The following GALNT6 variants were observed in gnomAD, a reference collection of about 807,000 sequenced individuals.
The protein encoded by GALNT6 is GalNAc transferase 6.
In GALNT6, 51 loss-of-function variants were observed where a neutral mutation model predicts 65.9. That is an observed-to-expected ratio of 0.77 (90% CI 0.62 to 0.98). The LOEUF is 0.98. GALNT6 is among the 50% of genes least tolerant of loss of function. The pLI, the probability that GALNT6 is intolerant of heterozygous loss-of-function variation, is 0.00. For missense variants in GALNT6, 708 were observed against 803.3 expected (o/e 0.88, Z 1.43); for synonymous variants, 323 against 315.1 (o/e 1.02, Z -0.26).
chr12:51,375,132 T>C (rs552426221), intron 4 of GALNT6, among the ~76,000 whole-genome samples: 111 of 152,258 alleles, frequency 7.3e-4, no homozygotes, highest in African/African-American at 2.6e-3. Context: ...CGCCTCGGCC[T>C]CCCTAAGTGC....
At position 51,361,630 on chromosome 12, in the gene GALNT6, A is replaced by G. The variant is rs115290559; in HGVS notation, c.1050-792T>C. 2.8e-3 allele frequency among the ~76,000 whole-genome samples: 431 copies of G among 152,348 alleles called. 2 individuals carry two copies. The highest frequency in any genetic ancestry group is 9.8e-3 in the African/African-American group (407 of 41,588). ...CAAGATAAGATAAATTGACAAAAAC[A>G]TCTAATTCCTAGAATTTAGATACCA... On this transcript the variant is annotated intron_variant, in intron 6 of 11. Transcript: ENST00000356317.
chr12:51,356,564 A>T (rs994543479), intron 10 of GALNT6, among the ~76,000 whole-genome samples: 1 of 151,308 alleles, frequency 6.6e-6, no homozygotes, highest in Non-Finnish European at 1.5e-5. Flanking sequence ...GTGTCTTGCT[A>T]TGTTGCCCAG....
chr12:51,378,838 G>A (rs2137734946), intron 3 of GALNT6, among the ~76,000 whole-genome samples: 1 of 152,040 alleles, frequency 6.6e-6, no homozygotes, highest in East Asian at 2.0e-4. Flanking sequence ...GAAACCAGGT[G>A]TGAGGATATT....
chr12:51,373,753 C>G (rs1037820493), intron 4 of GALNT6, among the ~76,000 whole-genome samples: 3 of 152,228 alleles, frequency 2.0e-5, no homozygotes, highest in African/African-American at 7.2e-5. Context: ...CAAGCTCCTC[C>G]CATCTCTGCC....
At chr12:51,356,044 T>TAGA in intron 10 of GALNT6, 86 bp from the exon 11 acceptor site, 1 of 1,248,722 alleles carries the variant, frequency 8.0e-7, no homozygotes, top group Middle Eastern at 2.0e-4. Context: ...CCATGCATGG[T>TAGA]CTCCTGGGGA....
intron 3 of GALNT6, among the ~76,000 whole-genome samples, chr12:51,377,714 G>A (rs1947510460): frequency 6.6e-6 from 1 of 152,158 alleles, no homozygotes; most frequent in African/African-American, 2.4e-5. Context: ...TCCGTAATAT[G>A]TGAACTGCAT....
rs1947492540 is a variant in GALNT6 at position 51,377,332 on chromosome 12, A to G, written c.527T>C (p.Leu176Pro). The stretch of plus-strand genomic sequence containing the variant: ...CACAATGATCACGCTGGTGGTGGCC[A>G]GTGGGGGGCAGCGCCGGAACTTCTG... Reference protein sequence around the residue: ...VDQKFRRCPPLATTSVIIVFH... With the variant: ...VDQKFRRCPPPATTSVIIVFH... Residue 176 changes from leucine (L) to proline (P), a missense_variant, in exon 4 of 12, where the codon CTG (leucine) becomes CCG (proline). Physicochemically the swap from Leu to Pro is moderately conservative, Grantham distance 98. Transcript: ENST00000356317. 3.1e-6 allele frequency: 5 copies of G among 1,612,788 alleles called. No homozygotes were observed. Among genetic ancestry groups the G allele is most frequent in the Non-Finnish European group, 4.2e-6 (5 of 1,180,006 alleles).
rs189921046 is a variant in GALNT6 at position 51,368,653 on chromosome 12, G to A, written c.665-3074C>T. ...ATTCCTGACCTCAAGTGATCTGCCC[G>A]CCTCGGCCTCCCAAAGAGTTGGAAT... On this transcript the variant is annotated intron_variant, in intron 4 of 11. Transcript: ENST00000356317. Among the ~76,000 whole-genome samples the A allele has an allele frequency of 7.0e-3, 1,067 of 152,154 alleles. 5 individuals are homozygous for A. Among genetic ancestry groups the A allele is most frequent in the Non-Finnish European group, 0.011 (714 of 67,994 alleles).
intron 2 of GALNT6, among the ~76,000 whole-genome samples, chr12:51,390,156 C>CTTTCTTTTTTT (rs1413158644): frequency 8.6e-6 from 1 of 116,320 alleles, no homozygotes; most frequent in Non-Finnish European, 1.7e-5. Context: ...TTCTTTCTTT[C>CTTTCTTTTTTT]TTTTTTTTTT....
At chr12:51,354,644 G>T in intron 11 of GALNT6, 152 bp from the exon 12 acceptor site, 1 of 590,648 alleles carries the variant, frequency 1.7e-6, no homozygotes, top group Non-Finnish European at 3.0e-6. Flanking sequence ...GCCCTCTCAT[G>T]AGACACATTC....
rs543162958 is a variant in GALNT6 at position 51,367,062 on chromosome 12, G to A, written c.665-1483C>T. ...GTGGATCACCTGAGGTTGGGAGTTC[G>A]AGACCAGCCTGACCAACATGGAGAA... On this transcript the variant is annotated intron_variant, in intron 4 of 11. Coordinates refer to ENST00000356317, the MANE Select transcript of GALNT6 (RefSeq NM_007210.4). Among the ~76,000 whole-genome samples, 8 of 152,238 alleles carry A rather than the reference G, an allele frequency of 5.3e-5. No individual in the cohort carries two copies. In the East Asian group the frequency reaches 5.8e-4, roughly 11 times the overall value.
intron 2 of GALNT6, among the ~76,000 whole-genome samples, chr12:51,390,021 C>G (rs12426854): frequency 0.035 from 5,303 of 152,212 alleles, 189 homozygotes; most frequent in East Asian, 0.098. Context: ...CCCCTGGAAG[C>G]AACTTTCTCT....
At chr12:51,377,903 A>G (rs1015660452) in intron 3 of GALNT6, among the ~76,000 whole-genome samples, 1 of 152,120 alleles carries the variant, frequency 6.6e-6, no homozygotes, top group Non-Finnish European at 1.5e-5. Context: ...CACCACTATC[A>G]CAGTCAATTT....
rs1946681860 is a variant in GALNT6 at position 51,354,231 on chromosome 12, A to G, written c.*148T>C. 1 of 540,124 alleles carries G rather than the reference A, an allele frequency of 1.9e-6. No individual in the cohort carries two copies. Among genetic ancestry groups the G allele is most frequent in the African/African-American group, 2.0e-5 (1 of 49,512 alleles). The allele number at this position is 540,124 out of a possible 1,614,324, so 33.5% of individuals were successfully genotyped here. ...AGAAAATGGGCCCAATGTTGTTGCA[A>G]GGATTAGGAAGGTCCTGCCTTGCCA... On this transcript the variant is annotated 3_prime_UTR_variant, in exon 12 of 12. Transcript: ENST00000356317.
intron 2 of GALNT6, among the ~76,000 whole-genome samples, chr12:51,382,710 A>C (rs7299315): frequency 0.5 from 75,713 of 152,100 alleles, 22,259 homozygotes; most frequent in Middle Eastern, 0.71. Context: ...CAGGAAGAGC[A>C]ATATGACAGC....
chr12:51,381,157 T>C (rs1283586320), intron 2 of GALNT6, among the ~76,000 whole-genome samples: 1 of 152,182 alleles, frequency 6.6e-6, no homozygotes, highest in Non-Finnish European at 1.5e-5. Flanking sequence ...GGAGGACTGC[T>C]GGAGCCCAGG....
rs138065864 is a variant in GALNT6 at position 51,360,739 on chromosome 12, G to T, written c.1149C>A (p.Asn383Lys). ...DNQMEIWGGE[N>K]VEMSFRVWQC... ...CTCTCACCCGGAAGGACATTTCCAC[G>T]TTCTCCCCTCCCCAGATCTCCATCT... The change falls in exon 7 of 12, where the codon AAC becomes AAA. Residue 383 changes from asparagine to lysine, a missense_variant. Physicochemically the swap from Asn to Lys is moderately conservative, Grantham distance 94. Coordinates refer to ENST00000356317, the MANE Select transcript of GALNT6 (RefSeq NM_007210.4). 3.1e-6 allele frequency: 5 copies of T among 1,605,320 alleles called. No individual in the cohort carries two copies. Among genetic ancestry groups the T allele is most frequent in the African/African-American group, 2.7e-5 (2 of 74,834 alleles).
intron 2 of GALNT6, among the ~76,000 whole-genome samples, chr12:51,383,940 G>T (rs979781020): frequency 1.3e-5 from 2 of 152,128 alleles, no homozygotes; most frequent in Admixed American, 6.6e-5. Flanking sequence ...AAGAATAGCT[G>T]CTATTCTTTG....
rs200103893 is a variant in GALNT6 at position 51,354,350 on chromosome 12, G to C, written c.*29C>G. 1.4e-5 allele frequency: 17 copies of C among 1,206,962 alleles called. No individual in the cohort carries two copies. The East Asian group carries it at 4.4e-4, about 31-fold the overall frequency. 74.8% of individuals were successfully genotyped at this position (1,206,962 alleles called of 1,614,324 possible). On this transcript the variant is annotated 3_prime_UTR_variant, in exon 12 of 12. Coordinates refer to ENST00000356317, the MANE Select transcript of GALNT6 (RefSeq NM_007210.4). ...CAATCCTGTTTCCTGAGGAGCTTGTGGGGGCTCTCTCTGGGGATGATCTGG... is the reference window on the plus strand; with the variant it reads ...CAATCCTGTTTCCTGAGGAGCTTGTCGGGGCTCTCTCTGGGGATGATCTGG...
Sources: allele counts gnomAD v4.1 joint callset (sites outside exome capture counted in the v4.1 genomes callset), GRCh38; gene constraint gnomAD v4.1.1; transcripts MANE v1.5; gene names NCBI Gene and HGNC (gene_info 2026-07-23, HGNC 2026-07-21).